ERCC6: variants seen among roughly 807,000 people sequenced by gnomAD.
ERCC6 encodes the protein DNA excision repair protein ERCC-6.
In ERCC6, 116 loss-of-function variants were observed where a neutral mutation model predicts 158.7. The observed-to-expected ratio is 0.73, with a 90% CI of 0.63 to 0.85. The LOEUF is 0.85. Ranked by LOEUF, ERCC6 falls within the 40% of genes least tolerant of loss-of-function variation. ERCC6 has a pLI of 0.00. For missense variants in ERCC6, 1,698 were observed against 1,799.4 expected, an observed-to-expected ratio of 0.94 and a Z score of 1.02; for synonymous variants, 678 against 659.3, an observed-to-expected ratio of 1.03 and a Z score of -0.43.
intron 1 of ERCC6, among the ~76,000 whole-genome samples, chr10:49,538,540 A>T (rs1038303729): frequency 1.4e-4 from 21 of 152,220 alleles, no homozygotes; most frequent in Non-Finnish European, 2.4e-4. Flanking sequence ...CAGCATTTAC[A>T]GGCGGCCTGC....
chr10:49,511,333 G>C (rs1400370884), intron 5 of ERCC6, among the ~76,000 whole-genome samples: 1 of 152,036 alleles, frequency 6.6e-6, no homozygotes, highest in Non-Finnish European at 1.5e-5. Flanking sequence ...TAGTGTTTTT[G>C]ATGTTCCCAC....
intron 10 of ERCC6, among the ~76,000 whole-genome samples, chr10:49,479,439 G>A (rs921666466): frequency 1.3e-5 from 2 of 152,100 alleles, no homozygotes; most frequent in African/African-American, 2.4e-5. Context: ...ATGCATGTGC[G>A]TAAATATTAA....
At chr10:49,471,365 A>G (rs1279984838) in intron 16 of ERCC6, among the ~76,000 whole-genome samples, 1 of 152,110 alleles carries the variant, frequency 6.6e-6, no homozygotes, top group Non-Finnish European at 1.5e-5. Flanking sequence ...AGCTTTTTCA[A>G]CCTCCAAGAT....
intron 12 of ERCC6, chr10:49,475,187 C>T: frequency 3.4e-6 from 1 of 296,464 alleles, no homozygotes; most frequent in Non-Finnish European, 6.6e-6. Context: ...TGATGTGCTG[C>T]ATATGTAAAA....
chr10:49,532,402 A>C, intron 2 of ERCC6, 141 bp downstream of exon 2: 2 of 1,312,300 alleles, frequency 1.5e-6, no homozygotes, highest in South Asian at 2.7e-5. Context: ...GAGGTTGAGG[A>C]CTGCCCTTAT....
intron 5 of ERCC6, among the ~76,000 whole-genome samples, chr10:49,507,410 G>GCTA (rs1323325820): frequency 1.3e-5 from 2 of 152,242 alleles, no homozygotes; most frequent in South Asian, 2.1e-4. Flanking sequence ...TAAGGAAATA[G>GCTA]CTATCATCTA....
At chr10:49,451,870 T>C (rs749690767), downstream of ERCC6, among the ~76,000 whole-genome samples, 2 of 152,184 alleles carry the variant, frequency 1.3e-5, no homozygotes, top group Non-Finnish European at 2.9e-5. Context: ...GCCTGGACTA[T>C]TCTTTGTGGG....
At chr10:49,467,709 G>A (rs1218939406) in intron 18 of ERCC6, among the ~76,000 whole-genome samples, 1 of 151,918 alleles carries the variant, frequency 6.6e-6, no homozygotes, top group African/African-American at 2.4e-5. Flanking sequence ...GGGACCACAG[G>A]TGTATGCTAC....
chr10:49,478,042 T>C (rs1850909346), intron 11 of ERCC6, among the ~76,000 whole-genome samples: 2 of 152,230 alleles, frequency 1.3e-5, no homozygotes, highest in Admixed American at 6.5e-5. Context: ...CTGCTGTATC[T>C]CAGAGCCTAG....
chr10:49,470,455 A>C lies in ERCC6; in HGVS notation c.3505T>G (p.Trp1169Gly). ...TTATTTTCCATTTGTTTATTCTCCC[A>C]AAAAGCTTCTGTTTGAGCCTGGCTG... ...RPSQAQTEAF[W>G]ENKQMENNFY... Residue 1169 changes from tryptophan (W) to glycine (G), a missense_variant, in exon 18 of 21, where the codon TGG becomes GGG. Coordinates refer to ENST00000355832, the MANE Select transcript of ERCC6 (RefSeq NM_000124.4). 1 of 1,614,100 alleles carries C rather than the reference A, an allele frequency of 6.2e-7. No individual in the cohort carries two copies. Among genetic ancestry groups the C allele is most frequent in the Non-Finnish European group, 8.5e-7 (1 of 1,180,004 alleles).
chr10:49,479,364 C>T (rs1850936691), intron 10 of ERCC6, among the ~76,000 whole-genome samples: 1 of 152,068 alleles, frequency 6.6e-6, no homozygotes, highest in South Asian at 2.1e-4. Flanking sequence ...AAAAAATGTT[C>T]TTAAAGAACG....
rs1851000075 is a variant in ERCC6, at chr10:49,482,674, C to T, written c.2169+13G>A. On this transcript the variant is annotated intron_variant, in intron 10 of 20. Coordinates refer to ENST00000355832, the MANE Select transcript of ERCC6 (RefSeq NM_000124.4). ...ATTAAAATGCCAAAAGTATTATCAT[C>T]CTAATATTTTACCTGTACTGGGGAA... 6.2e-7 allele frequency: 1 copy of T among 1,609,116 alleles called. No homozygotes were observed. The highest frequency in any genetic ancestry group is 1.3e-5 in the African/African-American group (1 of 74,752).
chr10:49,522,871 C>G (rs1837205840), intron 5 of ERCC6, among the ~76,000 whole-genome samples: 1 of 152,198 alleles, frequency 6.6e-6, no homozygotes, highest in Admixed American at 6.5e-5. Flanking sequence ...CAGCCCTCAT[C>G]TGTGCATTAC....
intron 7 of ERCC6, among the ~76,000 whole-genome samples, chr10:49,497,504 C>T (rs936457169): frequency 2.6e-5 from 4 of 152,218 alleles, no homozygotes; most frequent in African/African-American, 9.6e-5. Flanking sequence ...ATTCTTCTGG[C>T]TGAACATCTA....
chr10:49,488,659 A>T (rs11101141), intron 8 of ERCC6, among the ~76,000 whole-genome samples: 16,385 of 143,536 alleles, frequency 0.11, 1,244 homozygotes, highest in East Asian at 0.4. Flanking sequence ...TTTTTTTTTT[A>T]AAGTTTTTTA....
At chr10:49,478,596 G>T in intron 10 of ERCC6, 126 bp from the exon 11 acceptor site, 1 of 733,420 alleles carries the variant, frequency 1.4e-6, no homozygotes, top group Non-Finnish European at 2.4e-6. Context: ...TAAAGTCAGT[G>T]GGAAATGATT....
At chr10:49,514,492 C>T (rs1008320136) in intron 5 of ERCC6, among the ~76,000 whole-genome samples, 44 of 152,302 alleles carry the variant, frequency 2.9e-4, no homozygotes, top group Non-Finnish European at 2.9e-5. Flanking sequence ...TCAAGGAGGT[C>T]ACCTACCGTG....
intron 18 of ERCC6, among the ~76,000 whole-genome samples, chr10:49,465,868 C>G (rs970895759): frequency 3.3e-5 from 5 of 152,000 alleles, no homozygotes; most frequent in African/African-American, 1.2e-4. Flanking sequence ...ATGTCTTTAT[C>G]AGCAGTGTGA....
Position 49,472,987 on chromosome 10 carries a change from G to A in ERCC6, c.2751C>T (p.Gly917=), listed in dbSNP as rs2229760. Reference sequence around the variant, plus strand: ...CCCCCGTCAGGTTGACACCTAAGCCGCCCACCCGCGTGGTCAGAAGAAACA... The same window carrying A: ...CCCCCGTCAGGTTGACACCTAAGCCACCCACCCGCGTGGTCAGAAGAAACA... ...IFVFLLTTRV[G]GLGVNLTGAN... The change falls in exon 15 of 21, where the codon GGC becomes GGT. Residue 917 remains glycine, a synonymous_variant. Coordinates refer to ENST00000355832, the MANE Select transcript of ERCC6 (RefSeq NM_000124.4). 615,302 of 1,613,566 alleles carry A rather than the reference G, an allele frequency of 0.38. 122,627 individuals carry two copies. The highest frequency in any genetic ancestry group is 0.42 in the Non-Finnish European group (491,314 of 1,179,668).
Sources: gnomAD v4.1 joint callset for allele counts (sites outside exome capture counted in the v4.1 genomes callset) on GRCh38, gnomAD v4.1.1 for gene constraint, MANE v1.5 for transcripts, NCBI Gene and HGNC (gene_info 2026-07-23, HGNC 2026-07-21) for gene names.